The following DPYD variants were observed in gnomAD, a reference collection of about 807,000 sequenced individuals.
DPYD encodes dihydropyrimidine dehydrogenase.
In DPYD, 109 loss-of-function variants were observed where a neutral mutation model predicts 116.2. The ratio of observed to expected loss-of-function variants is 0.94; its 90% CI spans 0.80 to 1.10. The LOEUF (loss-of-function observed/expected upper bound fraction) is 1.10. DPYD is among the 50% of genes least tolerant of loss of function. The pLI, the probability that DPYD is intolerant of heterozygous loss-of-function variation, is 0.00. For synonymous variants in DPYD, 440 were observed against 432.0 expected (o/e 1.02, Z -0.23); for missense variants, 1,302 against 1,254.5 (o/e 1.04, Z -0.57).
At chr1:97,204,447 C>T (rs975227191) in intron 19 of DPYD, among the ~76,000 whole-genome samples, 1 of 152,044 alleles carries the variant, frequency 6.6e-6, no homozygotes, top group African/African-American at 2.4e-5. Flanking sequence ...TTTATTTATG[C>T]CTTCTCACTA....
intron 16 of DPYD, among the ~76,000 whole-genome samples, chr1:97,373,138 A>G (rs1671392509): frequency 6.6e-6 from 1 of 152,176 alleles, no homozygotes; most frequent in Admixed American, 6.5e-5. Context: ...TAATGATCGT[A>G]TGCTAAAAAA....
intron 20 of DPYD, among the ~76,000 whole-genome samples, chr1:97,165,603 A>G (rs1656264299): frequency 6.6e-6 from 1 of 152,188 alleles, no homozygotes; most frequent in South Asian, 2.1e-4. Flanking sequence ...GCTTCTGCAC[A>G]GAAAAAGAGA....
At chr1:97,873,861 T>C (rs922445227) in intron 2 of DPYD, among the ~76,000 whole-genome samples, 3 of 151,930 alleles carry the variant, frequency 2.0e-5, no homozygotes, top group African/African-American at 7.2e-5. Context: ...GAGCTGAAGA[T>C]ACAGTTGTGA....
At chr1:97,280,079 T>A (rs1233507906) in intron 18 of DPYD, 1 of 152,112 alleles carries the variant, frequency 6.6e-6, no homozygotes, top group Non-Finnish European at 1.5e-5. Context: ...TACCACTCAA[T>A]CTCCTCTGCA....
At chr1:97,763,452 T>G (rs17117116) in intron 3 of DPYD, among the ~76,000 whole-genome samples, 2,346 of 152,120 alleles carry the variant, frequency 0.015, 22 homozygotes, top group Middle Eastern at 0.044. Flanking sequence ...TCCCTTTAGT[T>G]TTCTTCTTCT....
At chr1:97,269,791 T>C (rs780740493) in intron 18 of DPYD, among the ~76,000 whole-genome samples, 1 of 152,154 alleles carries the variant, frequency 6.6e-6, no homozygotes, top group African/African-American at 2.4e-5. Context: ...TTTCAGCACC[T>C]CTTCACAGGC....
chr1:97,823,703 T>A (rs577157519), intron 3 of DPYD, among the ~76,000 whole-genome samples: 37 of 152,234 alleles, frequency 2.4e-4, no homozygotes, highest in African/African-American at 8.9e-4. Flanking sequence ...CAAAGCTTAG[T>A]GATTTCTTCA....
intron 19 of DPYD, among the ~76,000 whole-genome samples, chr1:97,230,135 C>T (rs1661486234): frequency 6.6e-6 from 1 of 152,094 alleles, no homozygotes; most frequent in Non-Finnish European, 1.5e-5. Flanking sequence ...GCAGTCTGAG[C>T]TGTACACAAA....
At chr1:97,731,868 TTA>T (rs1663632365) in intron 4 of DPYD, among the ~76,000 whole-genome samples, 1 of 151,930 alleles carries the variant, frequency 6.6e-6, no homozygotes, top group South Asian at 2.1e-4. Flanking sequence ...TTATATATAT[TTA>T]GTTTTTATAT....
intron 11 of DPYD, among the ~76,000 whole-genome samples, chr1:97,557,190 T>G (rs1167979549): frequency 6.6e-6 from 1 of 151,946 alleles, no homozygotes; most frequent in Non-Finnish European, 1.5e-5. Context: ...TTCGCCCACT[T>G]TTTGATGGGG....
chr1:97,524,073 T>C (rs972992803), intron 12 of DPYD, among the ~76,000 whole-genome samples: 1 of 151,458 alleles, frequency 6.6e-6, no homozygotes. Context: ...AAAGGTGTCA[T>C]GAAGGCCAAG....
chr1:97,217,673 T>C (rs2101885585), intron 19 of DPYD, among the ~76,000 whole-genome samples: 1 of 151,966 alleles, frequency 6.6e-6, no homozygotes, highest in East Asian at 1.9e-4. Context: ...ACCGCATGGC[T>C]AGAATTATAT....
intron 18 of DPYD, among the ~76,000 whole-genome samples, chr1:97,272,897 A>G (rs989855179): frequency 3.9e-4 from 60 of 152,076 alleles, no homozygotes; most frequent in African/African-American, 1.4e-3. Flanking sequence ...CTTTATTTTC[A>G]GTTGTGCTAA....
At position 97,251,552 on chromosome 1, in the gene DPYD, G is replaced by T. The variant is rs79600021; in HGVS notation, c.2300-16558C>A. 9.3e-3 allele frequency among the ~76,000 whole-genome samples: 1,412 copies of T among 152,120 alleles called. 40 individuals carry two copies. The highest frequency in any genetic ancestry group is 0.082 in the East Asian group (424 of 5,176). On this transcript the variant is annotated intron_variant, in intron 18 of 22. Transcript: ENST00000370192. Reference sequence around the variant, plus strand: ...ACCCAGTGAGAGCAATTTTTATGGTGGTGTTGCTCTTGTTAATGTTCGTAA... The same window carrying T: ...ACCCAGTGAGAGCAATTTTTATGGTTGTGTTGCTCTTGTTAATGTTCGTAA...
At chr1:97,370,582 AT>A (rs1193274317) in intron 16 of DPYD, among the ~76,000 whole-genome samples, 7 of 151,832 alleles carry the variant, frequency 4.6e-5, no homozygotes, top group African/African-American at 9.7e-5. Flanking sequence ...CTTAAAGCAA[AT>A]TTTTTTTTAA....
At chr1:97,815,231 G>GT (rs1422338105) in intron 3 of DPYD, among the ~76,000 whole-genome samples, 2 of 152,238 alleles carry the variant, frequency 1.3e-5, no homozygotes, top group African/African-American at 4.8e-5. Context: ...TAAAGCTGAA[G>GT]TTTTTTTAGG....
chr1:97,569,405 T>A (rs1652744480), intron 11 of DPYD, among the ~76,000 whole-genome samples: 1 of 148,432 alleles, frequency 6.7e-6, no homozygotes, highest in Admixed American at 6.8e-5. Context: ...TATATTTATA[T>A]CATATATAGA....
intron 14 of DPYD, among the ~76,000 whole-genome samples, chr1:97,420,475 T>G (rs1401065934): frequency 1.3e-5 from 2 of 152,136 alleles, no homozygotes; most frequent in Non-Finnish European, 2.9e-5. Flanking sequence ...TTGCTTTCCC[T>G]TCCATCAAGT....
intron 19 of DPYD, among the ~76,000 whole-genome samples, chr1:97,204,635 G>A (rs1659466929): frequency 6.6e-6 from 1 of 152,088 alleles, no homozygotes; most frequent in South Asian, 2.1e-4. Context: ...ACCAGGACCA[G>A]CAGTATAAAC....
Sources: gnomAD v4.1 joint callset for allele counts (sites outside exome capture counted in the v4.1 genomes callset) on GRCh38, gnomAD v4.1.1 for gene constraint, MANE v1.5 for transcripts, NCBI Gene and HGNC (gene_info 2026-07-23, HGNC 2026-07-21) for gene names.